Variants in PCDH9 observed in about 807,000 individuals in gnomAD.
The protein encoded by PCDH9 is protocadherin 9.
Under a neutral mutation model 70.6 loss-of-function variants are expected in PCDH9, and 24 were observed. The observed-to-expected ratio is 0.34, with a 90% CI of 0.25 to 0.48. The LOEUF (loss-of-function observed/expected upper bound fraction) is 0.48. Ranked by LOEUF, PCDH9 falls within the 20% of genes least tolerant of loss-of-function variation. PCDH9 has a pLI of 0.99. For missense variants in PCDH9, 1,281 were observed against 1,503.6 expected, an observed-to-expected ratio of 0.85 and a Z score of 2.45; for synonymous variants, 562 against 558.5, an observed-to-expected ratio of 1.01 and a Z score of -0.09.
intron 2 of PCDH9, among the ~76,000 whole-genome samples, chr13:67,113,324 A>G (rs2138276466): frequency 6.6e-6 from 1 of 152,324 alleles, no homozygotes; most frequent in African/African-American, 2.4e-5. Flanking sequence ...TATCTTCTGC[A>G]TTTGTCCCTA....
chr13:66,669,893 A>G (rs1433830679), intron 3 of PCDH9, among the ~76,000 whole-genome samples: 2 of 152,222 alleles, frequency 1.3e-5, no homozygotes, highest in African/African-American at 2.4e-5. Flanking sequence ...AACATATTTA[A>G]TAAAACTAAA....
chr13:66,632,771 TTC>T (rs1309552639), intron 3 of PCDH9, among the ~76,000 whole-genome samples: 1 of 152,104 alleles, frequency 6.6e-6, no homozygotes, highest in East Asian at 1.9e-4. Context: ...AAACCTAGTT[TTC>T]TTTCTGCCTA....
Position 66,304,708 on chromosome 13 carries a change from A to G in PCDH9, c.3661T>C (p.Ser1221Pro). ...GTAGCACCTCCTGCTTGCTTATAAG[A>G]CTTCAGATTTGCCAGAGGAATGTCT... ...MTDIPLANLK[S>P]YKQAGGATES... The change falls in exon 5 of 5, where the codon TCT (serine) becomes CCT (proline). Residue 1221 changes from serine (S) to proline (P), a missense_variant. Ser to Pro is a moderately conservative substitution (Grantham distance 74). Around this residue, in one of 4 missense-constraint regions of PCDH9, gnomAD observed 264 missense variants for 278.8 expected, o/e 0.95. Coordinates refer to ENST00000377865, the MANE Select transcript of PCDH9 (RefSeq NM_203487.3). 6.2e-7 allele frequency: 1 copy of G among 1,613,188 alleles called. No homozygotes were observed. The highest frequency in any genetic ancestry group is 1.6e-4 in the Middle Eastern group (1 of 6,076).
intron 4 of PCDH9, among the ~76,000 whole-genome samples, chr13:66,378,386 C>G (rs1241258246): frequency 6.6e-6 from 1 of 152,096 alleles, no homozygotes; most frequent in Non-Finnish European, 1.5e-5. Context: ...GATATACTCT[C>G]TGTAAAACAG....
chr13:67,165,687 G>A (rs1411580824), intron 2 of PCDH9, among the ~76,000 whole-genome samples: 5 of 151,972 alleles, frequency 3.3e-5, no homozygotes, highest in South Asian at 2.1e-4. Flanking sequence ...GAGAATATCT[G>A]TTTTTGGAAC....
chr13:66,502,119 A>G (rs1959179905), intron 4 of PCDH9, among the ~76,000 whole-genome samples: 1 of 152,160 alleles, frequency 6.6e-6, no homozygotes, highest in African/African-American at 2.4e-5. Context: ...TGGCTATGGA[A>G]CACTTGAAAT....
chr13:66,652,378 C>T (rs1052418325), intron 3 of PCDH9, among the ~76,000 whole-genome samples: 6 of 151,906 alleles, frequency 3.9e-5, no homozygotes, highest in East Asian at 1.9e-4. Context: ...ATCCCATGTA[C>T]GACAACCACA....
rs183183030 is a variant in PCDH9, at chr13:67,057,292, G to A, written c.3037-153687C>T. ...GCTTGGTTGATGAATGGAACTAACT[G>A]GGTCTTAATCTGATTAACATGAGCT... On this transcript the variant is annotated intron_variant, in intron 2 of 4. Coordinates refer to ENST00000377865, the MANE Select transcript of PCDH9 (RefSeq NM_203487.3). Among the ~76,000 whole-genome samples, 423 of 151,874 alleles carry A rather than the reference G, an allele frequency of 2.8e-3. 1 individual carries two copies. The highest frequency in any genetic ancestry group is 5.1e-3 in the Non-Finnish European group (346 of 67,986).
intron 2 of PCDH9, among the ~76,000 whole-genome samples, chr13:67,075,473 A>G (rs2085860092): frequency 6.6e-6 from 1 of 152,126 alleles, no homozygotes; most frequent in Admixed American, 6.6e-5. Flanking sequence ...TTGCTTTGCC[A>G]TTCTCTGCTA....
At chr13:67,161,498 T>C (rs1459682251) in intron 2 of PCDH9, among the ~76,000 whole-genome samples, 1 of 152,162 alleles carries the variant, frequency 6.6e-6, no homozygotes, top group East Asian at 1.9e-4. Context: ...CTTTTTTCCC[T>C]CTTGTTCTAA....
chr13:67,072,215 A>C (rs572214268), intron 2 of PCDH9, among the ~76,000 whole-genome samples: 2 of 152,198 alleles, frequency 1.3e-5, no homozygotes, highest in South Asian at 4.1e-4. Context: ...TCACTCTCTG[A>C]CCATCTATCA....
chr13:66,631,477 A>G, intron 3 of PCDH9, 66 bp from the exon 4 acceptor site: 1 of 896,174 alleles, frequency 1.1e-6, no homozygotes. Context: ...CTAGTGGAAC[A>G]CAAAATCAAA....
At chr13:66,953,060 A>G (rs1033003873) in intron 2 of PCDH9, among the ~76,000 whole-genome samples, 2 of 148,534 alleles carry the variant, frequency 1.3e-5, no homozygotes, top group Non-Finnish European at 3.0e-5. Flanking sequence ...AAGCATATGA[A>G]TTAAAATATT....
intron 4 of PCDH9, among the ~76,000 whole-genome samples, chr13:66,400,302 ATGAG>A (rs1957165350): frequency 2.6e-5 from 4 of 152,344 alleles, no homozygotes; most frequent in Admixed American, 2.6e-4. Flanking sequence ...GCTGATATGA[ATGAG>A]TATCATTCTT....
At chr13:66,343,630 T>A (rs1201273108) in intron 4 of PCDH9, among the ~76,000 whole-genome samples, 2 of 152,230 alleles carry the variant, frequency 1.3e-5, no homozygotes, top group African/African-American at 2.4e-5. Flanking sequence ...TGGAGAAATA[T>A]ATCTGCGTGT....
intron 4 of PCDH9, among the ~76,000 whole-genome samples, chr13:66,446,482 C>T (rs1228649026): frequency 2.6e-5 from 4 of 151,880 alleles, no homozygotes; most frequent in Non-Finnish European, 5.9e-5. Context: ...AGGTACACCT[C>T]GAAGAAACTA....
At chr13:66,752,188 A>G (rs1159541158) in intron 3 of PCDH9, among the ~76,000 whole-genome samples, 1 of 152,212 alleles carries the variant, frequency 6.6e-6, no homozygotes, top group Non-Finnish European at 1.5e-5. Flanking sequence ...GAATAGAGTA[A>G]GTAAGAAAGA....
At chr13:66,313,693 T>G (rs1593783730) in intron 4 of PCDH9, among the ~76,000 whole-genome samples, 1 of 152,306 alleles carries the variant, frequency 6.6e-6, no homozygotes, top group South Asian at 2.1e-4. Flanking sequence ...ACGTTCATTT[T>G]CATGCCTGTG....
chr13:66,955,216 A>G (rs1482396164), intron 2 of PCDH9, among the ~76,000 whole-genome samples: 2 of 152,208 alleles, frequency 1.3e-5, no homozygotes, highest in Non-Finnish European at 2.9e-5. Context: ...AGAGCTTTTC[A>G]ATCAATATCA....
Sources: gnomAD v4.1 joint callset for allele counts (sites outside exome capture counted in the v4.1 genomes callset) on GRCh38, gnomAD v4.1.1 for gene constraint, gnomAD v4.1.1 regional missense constraint, MANE v1.5 for transcripts, NCBI Gene and HGNC (gene_info 2026-07-23, HGNC 2026-07-21) for gene names.